Variants in LOXHD1 observed in about 807,000 individuals in gnomAD.
LOXHD1 encodes lipoxygenase homology PLAT domains 1.
In LOXHD1, 205 loss-of-function variants were observed where a neutral mutation model predicts 248.2. The observed-to-expected ratio is 0.83, with a 90% CI of 0.74 to 0.93. The LOEUF (loss-of-function observed/expected upper bound fraction) is 0.93, where lower values mean the gene tolerates loss of function less well. Ranked by LOEUF, LOXHD1 falls within the 40% of genes least tolerant of loss-of-function variation. The probability of loss-of-function intolerance (pLI) is 0.00; values close to 1 mark genes in which losing one functional copy is unlikely to be tolerated. For missense variants in LOXHD1, 2,930 were observed against 2,971.6 expected (o/e 0.99, Z 0.33); for synonymous variants, 1,113 against 1,162.8 (o/e 0.96, Z 0.87).
intron 37 of LOXHD1, among the ~76,000 whole-genome samples, chr18:46,501,795 G>A (rs933344525): frequency 6.6e-6 from 1 of 152,162 alleles, no homozygotes; most frequent in Non-Finnish European, 1.5e-5. Context: ...TTTGTTAACA[G>A]AAATAAACAT....
Position 46,509,766 on chromosome 18 carries a change from C to A in LOXHD1, c.5449G>T (p.Ala1817Ser), listed in dbSNP as rs1279447072. ...CGGATCCGCATCTTGGTGAATGGAG[C>A]AATGTCTAGGATCTCCATGATGAAG... Reference protein sequence around the residue: ...DTFIMEILDIAPFTKMRIRID... With the variant: ...DTFIMEILDISPFTKMRIRID... The change falls in exon 35 of 41, where the codon GCT becomes TCT. Residue 1817 changes from alanine (A) to serine (S), a missense_variant. Coordinates refer to ENST00000642948, the MANE Select transcript of LOXHD1 (RefSeq NM_001384474.1). 1.3e-6 allele frequency: 2 copies of A among 1,535,838 alleles called. No homozygotes were observed. The highest frequency in any genetic ancestry group is 2.4e-5 in the South Asian group (2 of 83,820).
At chr18:46,554,409 G>T (rs2143931346) in intron 21 of LOXHD1, among the ~76,000 whole-genome samples, 1 of 152,298 alleles carries the variant, frequency 6.6e-6, no homozygotes, top group Middle Eastern at 3.4e-3. Context: ...GCCTAGGGAA[G>T]GCCCTAGGTA....
At chr18:46,546,769 C>A (rs917309703) in intron 22 of LOXHD1, 126 bp downstream of exon 22, 46 of 1,107,072 alleles carry the variant, frequency 4.2e-5, no homozygotes, top group Non-Finnish European at 5.5e-5. Flanking sequence ...GAGGGCAATA[C>A]AATAGACTGT....
rs545125348 is a variant in LOXHD1, at chr18:46,506,669, G to A, written c.5693-646C>T. ...GGGTAAAAGTTCCATTGTGAGAATA[G>A]GAAGAAAGGAGGTACCCCCAACAAA... On this transcript the variant is annotated intron_variant, in intron 36 of 40. Coordinates refer to ENST00000642948, the MANE Select transcript of LOXHD1 (RefSeq NM_001384474.1). 2.6e-5 allele frequency among the ~76,000 whole-genome samples: 4 copies of A among 152,346 alleles called. No individual in the cohort carries two copies. The East Asian group carries it at 7.7e-4, about 29-fold the overall frequency.
intron 12 of LOXHD1, 132 bp downstream of exon 12, chr18:46,591,801 A>C: frequency 1.7e-6 from 2 of 1,171,948 alleles, no homozygotes; most frequent in Non-Finnish European, 2.4e-6. Flanking sequence ...GGGACCTTCC[A>C]AATCCACTCT....
Position 46,644,687 on chromosome 18 carries a change from A to C in LOXHD1, c.246-2651T>G, listed in dbSNP as rs191494966. ...GAGTGAGCCTTGATCTTGACACTGC[A>C]CTCCAGCCTGGGTGACAGAGTGAGA... On this transcript the variant is annotated intron_variant, in intron 2 of 40. Transcript: ENST00000642948. 5.0e-3 allele frequency among the ~76,000 whole-genome samples: 764 copies of C among 151,894 alleles called. 8 individuals carry two copies. Among genetic ancestry groups the C allele is most frequent in the African/African-American group, 0.018 (736 of 41,398 alleles).
chr18:46,652,101 G>T (rs1380125170), intron 1 of LOXHD1, among the ~76,000 whole-genome samples: 1 of 152,192 alleles, frequency 6.6e-6, no homozygotes, highest in Non-Finnish European at 1.5e-5. Flanking sequence ...ACTCTCAAGT[G>T]CATTCTATGC....
intron 29 of LOXHD1, among the ~76,000 whole-genome samples, chr18:46,527,347 G>T (rs116832615): frequency 1.3e-5 from 2 of 152,158 alleles, no homozygotes; most frequent in Non-Finnish European, 2.9e-5. Context: ...AACACCAGGC[G>T]TCAACTAGGG....
intron 19 of LOXHD1, among the ~76,000 whole-genome samples, chr18:46,559,835 AG>A (rs1599002385): frequency 6.6e-6 from 1 of 152,302 alleles, no homozygotes; most frequent in Non-Finnish European, 1.5e-5. Flanking sequence ...GAGTCATATC[AG>A]GGCTCCTCCC....
At chr18:46,483,973 G>T (rs1458824676) in intron 39 of LOXHD1, among the ~76,000 whole-genome samples, 2 of 152,132 alleles carry the variant, frequency 1.3e-5, no homozygotes, top group Non-Finnish European at 2.9e-5. Flanking sequence ...ACCAAAGAAT[G>T]GTGACATCGT....
At chr18:46,485,958 C>T (rs2033015316) in intron 38 of LOXHD1, among the ~76,000 whole-genome samples, 1 of 151,896 alleles carries the variant, frequency 6.6e-6, no homozygotes, top group African/African-American at 2.4e-5. Context: ...GCCTGGAGTC[C>T]TTCCCTCTTT....
chr18:46,655,362 G>A lies in LOXHD1; in HGVS notation c.130+1542C>T, dbSNP rs147991943. On this transcript the variant is annotated intron_variant, in intron 1 of 40. Transcript: ENST00000642948. The stretch of plus-strand genomic sequence containing the variant: ...CTTCTGAAAGGATAAAAAGGAGAAC[G>A]ATCATTATGGCCACACTGAGGCATG... Among the ~76,000 whole-genome samples, 285 of 152,252 alleles carry A rather than the reference G, an allele frequency of 1.9e-3. 2 individuals carry two copies. Among genetic ancestry groups the A allele is most frequent in the African/African-American group, 6.1e-3 (252 of 41,544 alleles).
intron 34 of LOXHD1, among the ~76,000 whole-genome samples, chr18:46,511,060 G>C (rs1598883020): frequency 6.6e-6 from 1 of 152,206 alleles, no homozygotes; most frequent in East Asian, 1.9e-4. Flanking sequence ...ATTTAGCCAA[G>C]TGTCTTCATT....
chr18:46,639,294 A>G (rs994563625), intron 4 of LOXHD1, among the ~76,000 whole-genome samples: 3 of 152,194 alleles, frequency 2.0e-5, no homozygotes, highest in Non-Finnish European at 4.4e-5. Context: ...CTTGATCTCA[A>G]AGGGGACTTC....
intron 13 of LOXHD1, 28 bp from the exon 14 acceptor site, chr18:46,577,895 T>G (rs763019368): frequency 9.0e-6 from 14 of 1,550,844 alleles, no homozygotes; most frequent in African/African-American, 8.2e-5. Context: ...CAAGGCCAGT[T>G]AGACAGTGGC....
rs1163805403 is a variant in LOXHD1, at chr18:46,560,242, CCTCCTCTGACGAGGA to C, written c.2887_2901del (p.Ser963_Glu967del). 1.0e-5 allele frequency: 16 copies of C among 1,551,892 alleles called. No individual in the cohort carries two copies. Among genetic ancestry groups the C allele is most frequent in the African/African-American group, 2.7e-5 (2 of 73,056 alleles). ...TCTTCCTCCTCTTCTTCCATCTCCT[CCTCCTCTGACGAGGA>C]CTCCTCTGATGAGGACGACTCCTCT... is the stretch of plus-strand genomic sequence containing the variant. On this transcript the variant is annotated inframe_deletion, in exon 19 of 41. Transcript: ENST00000642948.
chr18:46,618,268 T>C lies in LOXHD1; in HGVS notation c.534A>G (p.Val178=). The change falls in exon 5 of 41, where the codon GTA becomes GTG. Residue 178 remains valine, a synonymous_variant. Transcript: ENST00000642948. ...CTGCACCAATTACATCACCAGTGTATACCTTGACTTCATACTTATTACCTA... is the reference window on the plus strand; with the variant it reads ...CTGCACCAATTACATCACCAGTGTACACCTTGACTTCATACTTATTACCTA... ...MPRGNKYEVK[V]YTGDVIGAGT... 1.9e-6 allele frequency: 3 copies of C among 1,551,074 alleles called. No individual in the cohort carries two copies. The highest frequency in any genetic ancestry group is 1.7e-6 in the Non-Finnish European group (2 of 1,146,466).
intron 9 of LOXHD1, among the ~76,000 whole-genome samples, chr18:46,594,014 CT>C (rs1236275253): frequency 1.3e-5 from 2 of 152,220 alleles, no homozygotes; most frequent in African/African-American, 4.8e-5. Context: ...AACGAGTTGA[CT>C]CCACCCACCC....
In LOXHD1 at chr18:46,490,336, G is replaced by A. The variant is rs74583028; in HGVS notation, c.5879-1194C>T. Among the ~76,000 whole-genome samples, 991 of 152,306 alleles carry A rather than the reference G, an allele frequency of 6.5e-3. 9 individuals are homozygous for A. The highest frequency in any genetic ancestry group is 0.023 in the African/African-American group (940 of 41,546). On this transcript the variant is annotated intron_variant, in intron 37 of 40. Transcript: ENST00000642948. ...GGCTCAGCAGGGAATACACATTGGC[G>A]GTCCTGGTATAGCATCATTCCAGGT...
Sources: allele counts gnomAD v4.1 joint callset (sites outside exome capture counted in the v4.1 genomes callset), GRCh38; gene constraint gnomAD v4.1.1; transcripts MANE v1.5; gene names NCBI Gene and HGNC (gene_info 2026-07-23, HGNC 2026-07-21).